SPATA16: variants seen among roughly 807,000 people sequenced by gnomAD.
The protein encoded by SPATA16 is spermatogenesis associated 16.
SPATA16 carries 36 observed loss-of-function variants against 63.3 expected under a neutral mutation model. The observed-to-expected ratio is 0.57, with a 90% CI of 0.44 to 0.75. The LOEUF is 0.75. SPATA16 is among the 30% of genes least tolerant of loss of function. The pLI is 0.00. For synonymous variants in SPATA16, 203 were observed against 216.7 expected (o/e 0.94, Z 0.56); for missense variants, 646 against 679.3 (o/e 0.95, Z 0.54).
chr3:173,019,343 T>C lies in SPATA16; in HGVS notation c.848+143A>G. 3 of 789,190 alleles carry C rather than the reference T, an allele frequency of 3.8e-6. No individual in the cohort carries two copies. In the Admixed American group the frequency reaches 5.6e-5, roughly 15 times the overall value. 48.9% of individuals were successfully genotyped at this position (789,190 alleles called of 1,614,324 possible). A position where few individuals can be genotyped will look rare whatever the true frequency, so the allele number is the denominator to read the frequency against. ...AAAGAGAAAGATAGTCAATAATTGC[T>C]GGTTTGACGTTGATAGACAATAATT... is the stretch of plus-strand genomic sequence containing the variant. On this transcript the variant is annotated intron_variant, in intron 4 of 10. Coordinates refer to ENST00000351008, the MANE Select transcript of SPATA16 (RefSeq NM_031955.6).
At chr3:173,052,656 T>C (rs1043641201) in intron 2 of SPATA16, among the ~76,000 whole-genome samples, 7 of 152,230 alleles carry the variant, frequency 4.6e-5, no homozygotes, top group Non-Finnish European at 5.9e-5. Flanking sequence ...TCAGATATTT[T>C]ACTAAATTTT....
intron 10 of SPATA16, among the ~76,000 whole-genome samples, chr3:172,894,574 G>A (rs1731969159): frequency 6.6e-6 from 1 of 151,500 alleles, no homozygotes; most frequent in Admixed American, 6.6e-5. Context: ...TTAATATAGA[G>A]TTAGAAAACT....
intron 1 of SPATA16, among the ~76,000 whole-genome samples, chr3:173,135,188 T>C (rs1738508923): frequency 6.6e-6 from 1 of 152,148 alleles, no homozygotes; most frequent in African/African-American, 2.4e-5. Context: ...CTCCAAATGG[T>C]CAGTAAACTC....
intron 2 of SPATA16, among the ~76,000 whole-genome samples, chr3:173,076,240 G>A (rs1281631964): frequency 2.6e-5 from 4 of 152,104 alleles, no homozygotes; most frequent in Non-Finnish European, 5.9e-5. Flanking sequence ...TTCTTTTTAA[G>A]TATTTCAGAG....
Position 173,117,128 on chromosome 3 carries a change from C to A in SPATA16, c.604G>T (p.Ala202Ser), listed in dbSNP as rs1251121869. 1.9e-6 allele frequency: 3 copies of A among 1,614,026 alleles called. No homozygotes were observed. The South Asian group carries it at 3.3e-5, about 18-fold the overall frequency. The change falls in exon 2 of 11, where the codon GCA (alanine) becomes TCA (serine). Residue 202 changes from alanine to serine, a missense_variant. By Grantham distance (99) the Ala-to-Ser change is moderately conservative. Coordinates refer to ENST00000351008, the MANE Select transcript of SPATA16 (RefSeq NM_031955.6). The stretch of plus-strand genomic sequence containing the variant: ...TTTCTTTAATCCCATACCTCAAGTG[C>A]TGTTCTGAACTGTCCTGCTGCCAAG... ...YALAAGQFRT[A>S]LELCSKGAVL...
At chr3:172,909,237 A>G (rs1338419726) in intron 10 of SPATA16, among the ~76,000 whole-genome samples, 1 of 152,162 alleles carries the variant, frequency 6.6e-6, no homozygotes, top group Admixed American at 6.5e-5. Flanking sequence ...GCTACTCTAC[A>G]TTGTTACCAA....
At chr3:172,928,780 C>T (rs939544837) in intron 6 of SPATA16, among the ~76,000 whole-genome samples, 1 of 152,166 alleles carries the variant, frequency 6.6e-6, no homozygotes, top group Non-Finnish European at 1.5e-5. Context: ...CCATTATTAA[C>T]TTCCAGTTGA....
intron 1 of SPATA16, among the ~76,000 whole-genome samples, chr3:173,126,772 G>A (rs555307732): frequency 6.6e-6 from 1 of 152,108 alleles, no homozygotes; most frequent in Non-Finnish European, 1.5e-5. Flanking sequence ...TAATAAATCA[G>A]TGCTTTTAAC....
intron 2 of SPATA16, among the ~76,000 whole-genome samples, chr3:173,094,388 T>G (rs1737298827): frequency 6.6e-6 from 1 of 152,192 alleles, no homozygotes; most frequent in Non-Finnish European, 1.5e-5. Flanking sequence ...AAAGTAATTT[T>G]GAGCCAAATG....
Position 172,991,192 on chromosome 3 carries a change from C to T in SPATA16, c.849-14140G>A, listed in dbSNP as rs1260132434. ...CGGTTTCAATGATAAATTATGTGAA[C>T]GCCTATTGTTCTCTCAGGGGAGATA... On this transcript the variant is annotated intron_variant, in intron 4 of 10. Transcript: ENST00000351008. Among the ~76,000 whole-genome samples the T allele has an allele frequency of 4.6e-5, 7 of 152,056 alleles. No individual in the cohort carries two copies. In the East Asian group the frequency reaches 1.2e-3, roughly 25 times the overall value.
In SPATA16 at chr3:172,924,324, A is replaced by G; in HGVS notation, c.1229-7T>C. 1 of 1,603,076 alleles carries G rather than the reference A, an allele frequency of 6.2e-7. No homozygotes were observed. The highest frequency in any genetic ancestry group is 8.5e-7 in the Non-Finnish European group (1 of 1,171,256). ...CCGAAAGGTGTTTTATGCTCTAAAA[A>G]TTGTAACAATAAACTTTTATACTAT... On this transcript the variant is annotated splice_region_variant and splice_polypyrimidine_tract_variant and intron_variant, in intron 7 of 10. Transcript: ENST00000351008.
intron 2 of SPATA16, among the ~76,000 whole-genome samples, chr3:173,095,006 T>A (rs1737318160): frequency 6.6e-6 from 1 of 152,186 alleles, no homozygotes; most frequent in South Asian, 2.1e-4. Flanking sequence ...TGTAAAGGGC[T>A]CTACTGCTAA....
At chr3:172,911,989 A>G (rs1427641920) in intron 10 of SPATA16, among the ~76,000 whole-genome samples, 2 of 152,216 alleles carry the variant, frequency 1.3e-5, no homozygotes, top group Non-Finnish European at 2.9e-5. Context: ...CTAGTTAAAT[A>G]TACTCTAAAA....
chr3:173,062,816 C>T (rs1441692923), intron 2 of SPATA16, among the ~76,000 whole-genome samples: 1 of 152,180 alleles, frequency 6.6e-6, no homozygotes, highest in Non-Finnish European at 1.5e-5. Flanking sequence ...CAAAACAGTT[C>T]TTCCTCAGAT....
chr3:172,984,675 C>A (rs973893463), intron 4 of SPATA16, among the ~76,000 whole-genome samples: 5 of 152,094 alleles, frequency 3.3e-5, no homozygotes, highest in African/African-American at 1.2e-4. Flanking sequence ...GATTATAATT[C>A]CAGATTCTGA....
chr3:173,064,521 GACA>G (rs1474219738), intron 2 of SPATA16, among the ~76,000 whole-genome samples: 1 of 152,020 alleles, frequency 6.6e-6, no homozygotes, highest in East Asian at 1.9e-4. Flanking sequence ...AAAACCCATT[GACA>G]ACAATAATAT....
In SPATA16 at chr3:173,009,824, G is replaced by A. The variant is rs188523949; in HGVS notation, c.848+9662C>T. Among the ~76,000 whole-genome samples the A allele has an allele frequency of 4.6e-5, 7 of 152,372 alleles. No individual in the cohort carries two copies. The South Asian group carries it at 8.3e-4, about 18-fold the overall frequency. On this transcript the variant is annotated intron_variant, in intron 4 of 10. Coordinates refer to ENST00000351008, the MANE Select transcript of SPATA16 (RefSeq NM_031955.6). ...GCAAAAGCAGAGATTTATTGTAAAC[G>A]AAAGTGCACTTCACAGGGCAGGAGC...
At chr3:173,001,506 C>A (rs1199132407) in intron 4 of SPATA16, among the ~76,000 whole-genome samples, 7 of 152,218 alleles carry the variant, frequency 4.6e-5, no homozygotes, top group South Asian at 2.1e-4. Context: ...CTGATCTTTA[C>A]CGTAAGGACC....
intron 2 of SPATA16, among the ~76,000 whole-genome samples, chr3:173,054,101 T>C (rs1178119682): frequency 6.6e-6 from 1 of 151,958 alleles, no homozygotes; most frequent in African/African-American, 2.4e-5. Flanking sequence ...TATTATTACA[T>C]GTTACAATTA....
Sources: gnomAD v4.1 joint callset for allele counts (sites outside exome capture counted in the v4.1 genomes callset) on GRCh38, gnomAD v4.1.1 for gene constraint, MANE v1.5 for transcripts, NCBI Gene and HGNC (gene_info 2026-07-23, HGNC 2026-07-21) for gene names.